Variants in NELL1 observed in about 807,000 individuals in gnomAD.
The protein encoded by NELL1 is neural EGFL like 1.
Under a neutral mutation model 107.4 loss-of-function variants are expected in NELL1, and 76 were observed. That is an observed-to-expected ratio of 0.71 (90% confidence interval 0.59 to 0.86). The LOEUF is 0.86. Ranked by LOEUF, NELL1 falls within the 40% of genes least tolerant of loss-of-function variation. NELL1 has a pLI of 0.00. For synonymous variants in NELL1, 353 were observed against 341.2 expected (o/e 1.03, Z -0.38); for missense variants, 1,024 against 1,005.5 (o/e 1.02, Z -0.25).
rs367826098 is a variant in NELL1, at chr11:21,286,715, G to T, written c.1549+57261G>T. On this transcript the variant is annotated intron_variant, in intron 14 of 19. Transcript: ENST00000357134. The stretch of plus-strand genomic sequence containing the variant: ...ATTGCAATTCTTGGACCAGACTGCT[G>T]CAGTGACACCTAGTACACCATAGTA... Among the ~76,000 whole-genome samples the T allele has an allele frequency of 9.8e-5, 15 of 152,336 alleles. No homozygotes were observed. The South Asian group carries it at 2.9e-3, about 29-fold the overall frequency.
chr11:21,504,011 C>T (rs1855217524), intron 15 of NELL1: 1 of 152,170 alleles, frequency 6.6e-6, no homozygotes, highest in Non-Finnish European at 1.5e-5. Flanking sequence ...TGAGCTGATT[C>T]TCAACAGAGA....
Position 21,070,448 on chromosome 11 carries a change from A to G in NELL1, c.1301-43141A>G, listed in dbSNP as rs1853983751. ...CTTCTCAGAGACTAAAGTAAGAGCT[A>G]AAAGGAATTAGAAAACCAGATGTTG... is the stretch of plus-strand genomic sequence containing the variant. On this transcript the variant is annotated intron_variant, in intron 12 of 19. Coordinates refer to ENST00000357134, the MANE Select transcript of NELL1 (RefSeq NM_006157.5). Among the ~76,000 whole-genome samples the G allele has an allele frequency of 2.6e-5, 4 of 152,176 alleles. 1 individual carries two copies. The highest frequency in any genetic ancestry group is 2.6e-4 in the Admixed American group (4 of 15,264).
chr11:20,790,884 A>G (rs971447548), intron 3 of NELL1, among the ~76,000 whole-genome samples: 3 of 152,202 alleles, frequency 2.0e-5, no homozygotes, highest in Non-Finnish European at 4.4e-5. Flanking sequence ...ACCTGGTGTG[A>G]TGGTAGCGGC....
intron 12 of NELL1, among the ~76,000 whole-genome samples, chr11:21,083,939 C>T (rs946647686): frequency 6.6e-6 from 1 of 152,080 alleles, no homozygotes; most frequent in Admixed American, 6.5e-5. Flanking sequence ...TTTGGGATTT[C>T]ATTAAGAAAT....
intron 15 of NELL1, among the ~76,000 whole-genome samples, chr11:21,406,099 G>A (rs981062800): frequency 1.3e-5 from 2 of 151,924 alleles, no homozygotes; most frequent in Non-Finnish European, 2.9e-5. Flanking sequence ...TAAAAACTTT[G>A]TAAAGGAAGC....
chr11:20,831,651 A>C (rs2680989), intron 3 of NELL1, among the ~76,000 whole-genome samples: 22,422 of 152,200 alleles, frequency 0.15, 2,202 homozygotes, highest in East Asian at 0.35. Context: ...CCTATGACAC[A>C]GAGCCATCTC....
intron 15 of NELL1, among the ~76,000 whole-genome samples, chr11:21,427,915 T>G (rs554263019): frequency 3.5e-4 from 53 of 152,296 alleles, no homozygotes; most frequent in African/African-American, 1.2e-3. Context: ...ATGTTCTGAA[T>G]ACATAGTTTG....
intron 10 of NELL1, among the ~76,000 whole-genome samples, chr11:20,946,268 T>C (rs982147387): frequency 6.6e-6 from 1 of 152,212 alleles, no homozygotes; most frequent in African/African-American, 2.4e-5. Context: ...AACTACCTTT[T>C]GGCCTTAAAT....
intron 13 of NELL1, among the ~76,000 whole-genome samples, chr11:21,222,161 T>C (rs1367586063): frequency 3.3e-5 from 5 of 152,040 alleles, no homozygotes; most frequent in Non-Finnish European, 7.4e-5. Context: ...CTTTGATCTT[T>C]TGTATTTTGT....
At chr11:20,750,607 G>A (rs1246727724) in intron 2 of NELL1, among the ~76,000 whole-genome samples, 1 of 151,318 alleles carries the variant, frequency 6.6e-6, no homozygotes, top group Non-Finnish European at 1.5e-5. Context: ...TTTGAGACAG[G>A]GTTCTCATTC....
chr11:20,860,540 G>T (rs1414526212), intron 4 of NELL1, among the ~76,000 whole-genome samples: 1 of 152,126 alleles, frequency 6.6e-6, no homozygotes. Flanking sequence ...CTGTACAGGG[G>T]GTATCATGAG....
At chr11:20,692,225 C>T (rs1314464822) in intron 2 of NELL1, among the ~76,000 whole-genome samples, 1 of 151,502 alleles carries the variant, frequency 6.6e-6, no homozygotes, top group Non-Finnish European at 1.5e-5. Context: ...TTGATCCTTT[C>T]AAAAAACCAG....
chr11:21,302,312 G>T (rs570924412), intron 14 of NELL1, among the ~76,000 whole-genome samples: 1 of 152,058 alleles, frequency 6.6e-6, no homozygotes, highest in Admixed American at 6.6e-5. Flanking sequence ...GGTGTCTCTT[G>T]TTTTCCTCCA....
chr11:20,968,998 C>T (rs1162858971), intron 12 of NELL1, among the ~76,000 whole-genome samples: 2 of 152,116 alleles, frequency 1.3e-5, no homozygotes, highest in African/African-American at 4.8e-5. Context: ...GCTTTTTGAT[C>T]TTGCCAGCTT....
At chr11:21,078,532 C>A (rs761614507) in intron 12 of NELL1, among the ~76,000 whole-genome samples, 26 of 152,032 alleles carry the variant, frequency 1.7e-4, no homozygotes, top group Non-Finnish European at 1.2e-4. Context: ...AGTCATGGTG[C>A]AACCGCAAGG....
At chr11:21,475,072 G>A (rs1854290863) in intron 15 of NELL1, among the ~76,000 whole-genome samples, 1 of 152,000 alleles carries the variant, frequency 6.6e-6, no homozygotes. Context: ...ATTTTCATCA[G>A]CCTTATATCC....
chr11:21,375,223 G>A (rs925691230), intron 15 of NELL1, among the ~76,000 whole-genome samples: 38 of 151,878 alleles, frequency 2.5e-4, no homozygotes, highest in East Asian at 1.4e-3. Flanking sequence ...CACTCTAGTC[G>A]TTCCCAGTTT....
chr11:21,102,722 C>T (rs1241302392), intron 12 of NELL1, among the ~76,000 whole-genome samples: 1 of 152,156 alleles, frequency 6.6e-6, no homozygotes, highest in Non-Finnish European at 1.5e-5. Context: ...TCTCCTACTT[C>T]CCACCTTTTG....
At position 21,156,702 on chromosome 11, in the gene NELL1, G is replaced by A. The variant is rs142351360; in HGVS notation, c.1426+42988G>A. On this transcript the variant is annotated intron_variant, in intron 13 of 19. Coordinates refer to ENST00000357134, the MANE Select transcript of NELL1 (RefSeq NM_006157.5). ...TTATTTTTGTCGAGGTCAAAACTTT[G>A]AAAGTACATTAGTCAGCAGGTCATT... Among the ~76,000 whole-genome samples the A allele has an allele frequency of 2.6e-5, 4 of 151,700 alleles. No homozygotes were observed. The East Asian group carries it at 5.8e-4, about 22-fold the overall frequency.
Sources: allele counts gnomAD v4.1 joint callset (sites outside exome capture counted in the v4.1 genomes callset), GRCh38; gene constraint gnomAD v4.1.1; transcripts MANE v1.5; gene names NCBI Gene and HGNC (gene_info 2026-07-23, HGNC 2026-07-21).